Variants in ADGRB3 observed in about 807,000 individuals in gnomAD.
ADGRB3 encodes the protein adhesion G protein-coupled receptor B3.
ADGRB3 carries 37 observed loss-of-function variants against 193.4 expected under a neutral mutation model. The observed-to-expected ratio is 0.19, with a 90% CI of 0.15 to 0.25. The LOEUF is 0.25. Ranked by LOEUF, ADGRB3 falls within the 10% of genes least tolerant of loss-of-function variation. The pLI is 1.00. For synonymous variants in ADGRB3, 690 were observed against 644.2 expected (o/e 1.07, Z -1.08); for missense variants, 1,637 against 1,852.9 (o/e 0.88, Z 2.14).
At chr6:69,128,203 C>T (rs1291618462) in intron 17 of ADGRB3, among the ~76,000 whole-genome samples, 1 of 152,180 alleles carries the variant, frequency 6.6e-6, no homozygotes. Context: ...CTTATGTTCA[C>T]TGTCACCTGT....
intron 20 of ADGRB3, among the ~76,000 whole-genome samples, chr6:69,278,727 G>A (rs1767355053): frequency 6.6e-6 from 1 of 152,032 alleles, no homozygotes; most frequent in Non-Finnish European, 1.5e-5. Context: ...TCAACTTCCT[G>A]ACTCTATGCT....
At chr6:68,913,439 G>A (rs541837454) in intron 3 of ADGRB3, among the ~76,000 whole-genome samples, 69 of 152,310 alleles carry the variant, frequency 4.5e-4, no homozygotes, top group African/African-American at 1.6e-3. Context: ...ACAGGGTCTG[G>A]AGTGGACCTC....
chr6:69,018,082 G>A (rs936147768), intron 12 of ADGRB3, among the ~76,000 whole-genome samples: 1 of 151,832 alleles, frequency 6.6e-6, no homozygotes, highest in East Asian at 1.9e-4. Context: ...GTTTTGTTAA[G>A]TGATGAAAAG....
intron 8 of ADGRB3, among the ~76,000 whole-genome samples, chr6:68,972,427 G>A (rs1016714319): frequency 3.3e-5 from 5 of 152,046 alleles, no homozygotes; most frequent in African/African-American, 7.2e-5. Context: ...CGAATGGGGA[G>A]GGTTTGGAGC....
chr6:69,055,620 G>T (rs1002876732), intron 15 of ADGRB3, among the ~76,000 whole-genome samples: 2 of 152,080 alleles, frequency 1.3e-5, no homozygotes, highest in Non-Finnish European at 2.9e-5. Flanking sequence ...ATTTCTTTGA[G>T]ATCTTTCTTT....
intron 17 of ADGRB3, among the ~76,000 whole-genome samples, chr6:69,184,733 C>A (rs887532691): frequency 9.9e-5 from 15 of 151,914 alleles, no homozygotes; most frequent in Non-Finnish European, 2.2e-4. Context: ...CAAAAGAAAA[C>A]CTCCTAAGGG....
intron 3 of ADGRB3, among the ~76,000 whole-genome samples, chr6:68,866,532 G>C (rs1156927710): frequency 1.3e-5 from 2 of 152,194 alleles, no homozygotes; most frequent in Non-Finnish European, 2.9e-5. Context: ...CTGCTATAAA[G>C]ATACCTCAAA....
chr6:69,151,083 G>C (rs1294678989), intron 17 of ADGRB3, among the ~76,000 whole-genome samples: 1 of 152,148 alleles, frequency 6.6e-6, no homozygotes. Context: ...GGGAAGGGTT[G>C]GTGCAAGTAC....
chr6:68,917,557 T>C (rs1562085294), intron 3 of ADGRB3, among the ~76,000 whole-genome samples: 1 of 152,238 alleles, frequency 6.6e-6, no homozygotes, highest in Non-Finnish European at 1.5e-5. Flanking sequence ...TCTATGTGTA[T>C]GTAGCTTAGG....
intron 3 of ADGRB3, among the ~76,000 whole-genome samples, chr6:68,666,052 C>A (rs1266485529): frequency 6.6e-6 from 1 of 151,780 alleles, no homozygotes; most frequent in Non-Finnish European, 1.5e-5. Context: ...GATTTATTTA[C>A]CTCTGACCTT....
chr6:69,279,046 C>T (rs1230963884), intron 20 of ADGRB3, among the ~76,000 whole-genome samples: 1 of 137,288 alleles, frequency 7.3e-6, no homozygotes, highest in African/African-American at 2.7e-5. Flanking sequence ...TCCTCAACAC[C>T]TCATATGGCA....
rs1389333077 is a variant in ADGRB3 at position 68,862,011 on chromosome 6, T to A, written c.758-68548T>A. On this transcript the variant is annotated intron_variant, in intron 3 of 31. Transcript: ENST00000370598. ...CTATCCTACTGTTCTTGCCCACTCT[T>A]GCTTCTCGGGAGCAAGTCAGACACT... is the stretch of plus-strand genomic sequence containing the variant. Among the ~76,000 whole-genome samples, 3 of 152,182 alleles carry A rather than the reference T, an allele frequency of 2.0e-5. No homozygotes were observed. In the East Asian group the frequency reaches 5.8e-4, roughly 29 times the overall value.
chr6:69,255,029 A>G (rs1163941252), intron 20 of ADGRB3, among the ~76,000 whole-genome samples: 3 of 151,558 alleles, frequency 2.0e-5, no homozygotes, highest in African/African-American at 7.3e-5. Context: ...CCTACAAAGG[A>G]CATGAACTCA....
intron 3 of ADGRB3, among the ~76,000 whole-genome samples, chr6:68,673,809 T>A (rs905013444): frequency 6.6e-6 from 1 of 152,092 alleles, no homozygotes; most frequent in African/African-American, 2.4e-5. Flanking sequence ...CTGAAGCAGG[T>A]TTCACATTTG....
intron 3 of ADGRB3, among the ~76,000 whole-genome samples, chr6:68,787,515 T>G (rs147868947): frequency 6.6e-6 from 1 of 152,170 alleles, no homozygotes; most frequent in Non-Finnish European, 1.5e-5. Context: ...CACTTAATCA[T>G]GGTGGATAAG....
chr6:68,925,500 A>G (rs895670464), intron 3 of ADGRB3, among the ~76,000 whole-genome samples: 8 of 152,038 alleles, frequency 5.3e-5, no homozygotes, highest in Non-Finnish European at 1.0e-4. Flanking sequence ...AGATGATGGA[A>G]TCTTTCACCT....
chr6:69,117,462 G>A (rs1378695454), intron 17 of ADGRB3, among the ~76,000 whole-genome samples: 2 of 152,070 alleles, frequency 1.3e-5, no homozygotes, highest in African/African-American at 2.4e-5. Flanking sequence ...TTGTCTTTAA[G>A]CAGAAGGAAC....
intron 16 of ADGRB3, among the ~76,000 whole-genome samples, chr6:69,065,758 T>TACACACACACAC (rs1491430136): frequency 5.5e-4 from 57 of 102,818 alleles, no homozygotes; most frequent in South Asian, 1.4e-3. Flanking sequence ...ACTTCATGTA[T>TACACACACACAC]ATATATACAC....
chr6:69,072,143 T>C (rs1203487071), intron 16 of ADGRB3, among the ~76,000 whole-genome samples: 13 of 152,200 alleles, frequency 8.5e-5, no homozygotes, highest in Non-Finnish European at 1.9e-4. Flanking sequence ...GTTCAGCTTA[T>C]TTTTCTAAAC....
Sources: gnomAD v4.1 joint callset for allele counts (sites outside exome capture counted in the v4.1 genomes callset) on GRCh38, gnomAD v4.1.1 for gene constraint, MANE v1.5 for transcripts, NCBI Gene and HGNC (gene_info 2026-07-23, HGNC 2026-07-21) for gene names.